Variants in MECR observed in about 807,000 individuals in gnomAD.
MECR encodes the protein enoyl-[acyl-carrier-protein] reductase, mitochondrial.
A neutral mutation model predicts 49.1 loss-of-function variants in MECR; 37 were observed. The observed-to-expected ratio is 0.75, with a 90% CI of 0.58 to 0.99. The LOEUF (loss-of-function observed/expected upper bound fraction) is 0.99. Among genes scored for constraint, MECR ranks in the 50% least tolerant of loss-of-function variants. The pLI is 0.00. For synonymous variants in MECR, 198 were observed against 191.1 expected, an observed-to-expected ratio of 1.04 and a Z score of -0.30; for missense variants, 470 against 479.6, an observed-to-expected ratio of 0.98 and a Z score of 0.19.
chr1:29,230,895 G>GCAGA lies in MECR; in HGVS notation c.8_11dup (p.Ser5LeufsTer83). The GCAGA allele has an allele frequency of 1.9e-6, 3 of 1,605,488 alleles. No homozygotes were observed. On this transcript the variant is annotated frameshift_variant, in exon 1 of 10. Coordinates refer to ENST00000263702, the MANE Select transcript of MECR (RefSeq NM_016011.5). LOFTEE classifies it high-confidence loss of function. ...GGGTTCGCACCCGCCACAGGGTACT[G>GCAGA]CAGACCCACATGCTCGCTCCAACCA... is the stretch of plus-strand genomic sequence containing the variant.
At chr1:29,181,539 C>G in the MECR span, 2 of 998,320 alleles carry the variant, frequency 2.0e-6, no homozygotes, top group Non-Finnish European at 2.8e-6. Context: ...CTGGCCAGGC[C>G]GGTAGCCGCT....
intron 7 of MECR, among the ~76,000 whole-genome samples, chr1:29,199,980 C>T (rs537144059): frequency 1.2e-4 from 18 of 151,348 alleles, no homozygotes; most frequent in East Asian, 9.7e-4. Context: ...AGGCTGGTCT[C>T]GAACTCCTGG....
intron 3 of MECR, among the ~76,000 whole-genome samples, chr1:29,210,502 C>T (rs369356305): frequency 6.6e-5 from 10 of 152,308 alleles, no homozygotes; most frequent in African/African-American, 2.4e-4. Flanking sequence ...CTCTACCGTG[C>T]ACCAAATGCT....
At chr1:29,190,816 A>G (rs1475818630), downstream of MECR, among the ~76,000 whole-genome samples, 1 of 151,800 alleles carries the variant, frequency 6.6e-6, no homozygotes, top group African/African-American at 2.4e-5. Flanking sequence ...AAAAAAAAAA[A>G]AAGAGGTTCC....
intron 3 of MECR, among the ~76,000 whole-genome samples, chr1:29,211,871 T>C (rs1211994639): frequency 6.6e-6 from 1 of 152,212 alleles, no homozygotes; most frequent in East Asian, 1.9e-4. Flanking sequence ...GCTATGGGCT[T>C]AGCAACAGCT....
At chr1:29,210,280 G>A (rs1416702556) in intron 3 of MECR, among the ~76,000 whole-genome samples, 1 of 152,172 alleles carries the variant, frequency 6.6e-6, no homozygotes, top group Admixed American at 6.5e-5. Context: ...CCAAAGTGCT[G>A]GGATTATAGG....
Position 29,216,878 on chromosome 1 carries a change from T to TAATCCCAGCACTTTGG in MECR, c.177-209_177-194dup, listed in dbSNP as rs144552561. ...GGCTGGGCGTGGTGGCTCACGCCTGTAATCCCAGCACTTTGGAAGGCCGAG... is the reference window on the plus strand; with the variant it reads ...GGCTGGGCGTGGTGGCTCACGCCTGTAATCCCAGCACTTTGGAATCCCAGCACTTTGGAAGGCCGAG... On this transcript the variant is annotated intron_variant, in intron 1 of 9. Transcript: ENST00000263702. 0.014 allele frequency: 18,026 copies of TAATCCCAGCACTTTGG among 1,314,262 alleles called. 225 individuals are homozygous for TAATCCCAGCACTTTGG. The highest frequency in any genetic ancestry group is 0.04 in the Middle Eastern group (140 of 3,496). The allele number at this position is 1,314,262 out of a possible 1,614,324, so 81.4% of individuals were successfully genotyped here. A position where few individuals can be genotyped will look rare whatever the true frequency, so the allele number is the denominator to read the frequency against.
chr1:29,209,692 AG>A (rs1311174294), intron 3 of MECR, among the ~76,000 whole-genome samples: 1 of 152,120 alleles, frequency 6.6e-6, no homozygotes, highest in Non-Finnish European at 1.5e-5. Flanking sequence ...AGGGGTGAAG[AG>A]GGTAGGCTTT....
the MECR span, among the ~76,000 whole-genome samples, chr1:29,168,190 AAT>A: frequency 1.0e-5 from 1 of 95,754 alleles, no homozygotes; most frequent in Non-Finnish European, 2.3e-5. Context: ...AATTTTTTGT[AAT>A]TTTTTTTTTT....
Position 29,206,766 on chromosome 1 carries a change from C to T in MECR, c.546G>A (p.Gln182=). 1 of 1,614,034 alleles carries T rather than the reference C, an allele frequency of 6.2e-7. No homozygotes were observed. The highest frequency in any genetic ancestry group is 8.5e-7 in the Non-Finnish European group (1 of 1,179,938). Residue 182 remains glutamine, a synonymous_variant, in exon 4 of 10, where the codon CAG becomes CAA. Coordinates refer to ENST00000263702, the MANE Select transcript of MECR (RefSeq NM_016011.5). ...YRMLMDFEQL[Q]PGDSVIQNAS... is the part of the protein sequence containing the mutation. The stretch of plus-strand genomic sequence containing the variant: ...CCCCAACCTGTGGGTTCCTACCTGG[C>T]TGCAGTTGCTCGAAGTCCATCAACA...
At chr1:29,175,505 G>A in the MECR span, among the ~76,000 whole-genome samples, 1 of 149,218 alleles carries the variant, frequency 6.7e-6, no homozygotes. Flanking sequence ...ACCATCCTGG[G>A]TAACACAGTG....
the MECR span, chr1:29,181,843 G>GCAA: frequency 9.2e-7 from 1 of 1,081,732 alleles, no homozygotes; most frequent in Non-Finnish European, 1.2e-6. Flanking sequence ...GGCGGCGGCG[G>GCAA]CAACGGGCGG....
the MECR span, among the ~76,000 whole-genome samples, chr1:29,185,280 G>A: frequency 6.6e-6 from 1 of 151,846 alleles, no homozygotes; most frequent in African/African-American, 2.4e-5. Context: ...ACAGAGTTTT[G>A]CTCTGTCACC....
At chr1:29,182,790 C>G in the MECR span, among the ~76,000 whole-genome samples, 1 of 152,208 alleles carries the variant, frequency 6.6e-6, no homozygotes, top group Admixed American at 6.5e-5. Context: ...GTGATCCGCC[C>G]GCCTTGGCCT....
At chr1:29,223,293 A>G in intron 1 of MECR, 1 of 985,412 alleles carries the variant, frequency 1.0e-6, no homozygotes, top group Non-Finnish European at 1.2e-6. Context: ...AGGGAGACAA[A>G]AGCAGGCAGA....
chr1:29,205,340 C>T (rs1431370495), intron 4 of MECR, among the ~76,000 whole-genome samples: 1 of 151,868 alleles, frequency 6.6e-6, no homozygotes, highest in African/African-American at 2.4e-5. Context: ...GCTGCCACCA[C>T]GCCGGGCTAA....
the MECR span, chr1:29,171,470 C>T: frequency 6.6e-6 from 1 of 150,472 alleles, no homozygotes; most frequent in African/African-American, 2.5e-5. Flanking sequence ...ATTTTGTAAC[C>T]TTGGGCCAGT....
chr1:29,204,205 C>T (rs757510093), intron 4 of MECR, among the ~76,000 whole-genome samples: 24 of 151,624 alleles, frequency 1.6e-4, no homozygotes, highest in Non-Finnish European at 2.5e-4. Context: ...GGTGACAGAG[C>T]GAGACTCCCT....
the MECR span, chr1:29,171,564 T>C: frequency 1.3e-5 from 2 of 151,906 alleles, no homozygotes; most frequent in African/African-American, 2.4e-5. Flanking sequence ...ACATACTCAG[T>C]TGAAAAATAA....
Sources: allele counts gnomAD v4.1 joint callset (sites outside exome capture counted in the v4.1 genomes callset), GRCh38; gene constraint gnomAD v4.1.1; transcripts MANE v1.5; gene names NCBI Gene and HGNC (gene_info 2026-07-23, HGNC 2026-07-21).